SLC25A21: variants seen among roughly 807,000 people sequenced by gnomAD.
SLC25A21 encodes the protein mitochondrial 2-oxodicarboxylate carrier.
A neutral mutation model predicts 43.8 loss-of-function variants in SLC25A21; 47 were observed. The observed-to-expected ratio is 1.07, with a 90% CI of 0.85 to 1.37. The LOEUF (loss-of-function observed/expected upper bound fraction) is 1.37, where lower values mean the gene tolerates loss of function less well. SLC25A21 is among the 40% of genes most tolerant of loss of function. The pLI, the probability that SLC25A21 is intolerant of heterozygous loss-of-function variation, is 0.00. For missense variants in SLC25A21, 352 were observed against 350.2 expected (o/e 1.00, Z -0.04); for synonymous variants, 131 against 121.3 (o/e 1.08, Z -0.52).
At chr14:37,082,731 C>G (rs6571782) in intron 1 of SLC25A21, among the ~76,000 whole-genome samples, 139,933 of 152,228 alleles carry the variant, frequency 0.92, 64,426 homozygotes, top group East Asian at 1. Context: ...GGACAAAAGA[C>G]AAATCATTCA....
chr14:36,991,949 T>A (rs1960272596), intron 1 of SLC25A21, among the ~76,000 whole-genome samples: 1 of 152,152 alleles, frequency 6.6e-6, no homozygotes, highest in Admixed American at 6.5e-5. Context: ...AAGATCCTTA[T>A]GAGATTGGGT....
At chr14:36,833,916 G>T (rs1024088414) in intron 2 of SLC25A21, among the ~76,000 whole-genome samples, 1 of 152,100 alleles carries the variant, frequency 6.6e-6, no homozygotes, top group Non-Finnish European at 1.5e-5. Context: ...TGCATGGGCT[G>T]GATTAAAACA....
intron 1 of SLC25A21, among the ~76,000 whole-genome samples, chr14:37,033,499 G>A (rs1276358386): frequency 6.6e-6 from 1 of 152,152 alleles, no homozygotes; most frequent in Non-Finnish European, 1.5e-5. Context: ...TGCAGTAACT[G>A]GAACAAAGTC....
At chr14:36,800,031 G>T (rs1398669876) in intron 3 of SLC25A21, among the ~76,000 whole-genome samples, 3 of 151,962 alleles carry the variant, frequency 2.0e-5, no homozygotes, top group Non-Finnish European at 4.4e-5. Flanking sequence ...TATTACTTTT[G>T]CACCAATTTG....
At chr14:36,972,707 G>A (rs796183501) in intron 1 of SLC25A21, among the ~76,000 whole-genome samples, 2 of 152,268 alleles carry the variant, frequency 1.3e-5, no homozygotes, top group African/African-American at 2.4e-5. Flanking sequence ...AGACCATAAA[G>A]GCAAAGCAAG....
intron 2 of SLC25A21, among the ~76,000 whole-genome samples, chr14:36,843,747 C>T (rs1386958552): frequency 6.6e-6 from 1 of 152,308 alleles, no homozygotes; most frequent in South Asian, 2.1e-4. Flanking sequence ...ATTTCATTCA[C>T]AAAATTAGCA....
At chr14:36,960,531 C>T (rs1959463220) in intron 1 of SLC25A21, among the ~76,000 whole-genome samples, 1 of 151,996 alleles carries the variant, frequency 6.6e-6, no homozygotes, top group Non-Finnish European at 1.5e-5. Flanking sequence ...TATAAATGTC[C>T]TATCTTATAA....
At position 36,773,276 on chromosome 14, in the gene SLC25A21, C is replaced by T. The variant is rs561366400; in HGVS notation, c.204-38703G>A. On this transcript the variant is annotated intron_variant, in intron 3 of 9. Transcript: ENST00000331299. ...TCAGCTGTGAGTGATGAGTCAGACCCGTCAGACTCTGCTGTGATAAGGGCC... is the reference window on the plus strand; with the variant it reads ...TCAGCTGTGAGTGATGAGTCAGACCTGTCAGACTCTGCTGTGATAAGGGCC... Among the ~76,000 whole-genome samples, 4 of 152,176 alleles carry T rather than the reference C, an allele frequency of 2.6e-5. No individual in the cohort carries two copies. In the South Asian group the frequency reaches 6.2e-4, roughly 24 times the overall value.
chr14:36,963,833 C>T (rs1959553210), intron 1 of SLC25A21, among the ~76,000 whole-genome samples: 1 of 152,144 alleles, frequency 6.6e-6, no homozygotes, highest in African/African-American at 2.4e-5. Flanking sequence ...AAGGAAGTTG[C>T]TAACTGAAGT....
intron 1 of SLC25A21, among the ~76,000 whole-genome samples, chr14:37,162,979 A>G (rs1963971874): frequency 1.3e-5 from 2 of 152,188 alleles, no homozygotes; most frequent in South Asian, 4.1e-4. Context: ...TGATAAGTTC[A>G]TGTCCTTTGT....
intron 1 of SLC25A21, among the ~76,000 whole-genome samples, chr14:37,011,873 G>C (rs1290382453): frequency 6.6e-6 from 1 of 152,058 alleles, no homozygotes; most frequent in African/African-American, 2.4e-5. Flanking sequence ...TCTCTCTGTG[G>C]AGACATCCCT....
chr14:36,694,768 T>C (rs1882944928), intron 7 of SLC25A21, among the ~76,000 whole-genome samples: 1 of 152,218 alleles, frequency 6.6e-6, no homozygotes, highest in Non-Finnish European at 1.5e-5. Context: ...TGTTTTTTTC[T>C]TGTAAATTTG....
At chr14:36,724,070 G>A (rs1884484478) in intron 6 of SLC25A21, among the ~76,000 whole-genome samples, 2 of 152,092 alleles carry the variant, frequency 1.3e-5, no homozygotes, top group Admixed American at 1.3e-4. Context: ...TTTGAAAAAT[G>A]TTTCTTTTCC....
Position 36,850,052 on chromosome 14 carries a change from T to C in SLC25A21, c.119+24904A>G, listed in dbSNP as rs375999138. Among the ~76,000 whole-genome samples, 260 of 152,208 alleles carry C rather than the reference T, an allele frequency of 1.7e-3. 1 individual carries two copies. Among genetic ancestry groups the C allele is most frequent in the African/African-American group, 5.8e-3 (241 of 41,530 alleles). On this transcript the variant is annotated intron_variant, in intron 2 of 9. Transcript: ENST00000331299. Reference sequence around the variant, plus strand: ...TGAACAGGTAATTGGCAATACTTTGTGTGTGAAGTGCTGTGATAAGAGAAA... The same window carrying C: ...TGAACAGGTAATTGGCAATACTTTGCGTGTGAAGTGCTGTGATAAGAGAAA...
chr14:36,922,016 A>T (rs1214202947), intron 1 of SLC25A21, among the ~76,000 whole-genome samples: 1 of 151,954 alleles, frequency 6.6e-6, no homozygotes, highest in Non-Finnish European at 1.5e-5. Flanking sequence ...ATGGTGGCAC[A>T]TGCCTGTAAT....
intron 3 of SLC25A21, among the ~76,000 whole-genome samples, chr14:36,748,112 A>G (rs564697332): frequency 1.3e-5 from 2 of 152,360 alleles, no homozygotes; most frequent in East Asian, 1.9e-4. Context: ...AGTTAGGACA[A>G]TAACAAAGGT....
chr14:36,686,764 C>T (rs1882568869), intron 7 of SLC25A21, among the ~76,000 whole-genome samples: 1 of 152,080 alleles, frequency 6.6e-6, no homozygotes, highest in South Asian at 2.1e-4. Context: ...TTTGTATACA[C>T]GTTGTCCTTC....
chr14:36,839,718 T>C (rs1032699395), intron 2 of SLC25A21, among the ~76,000 whole-genome samples: 2 of 152,210 alleles, frequency 1.3e-5, no homozygotes, highest in Non-Finnish European at 1.5e-5. Flanking sequence ...AATTTCTTCA[T>C]TGCACACACA....
intron 1 of SLC25A21, among the ~76,000 whole-genome samples, chr14:36,881,668 T>C (rs768679778): frequency 6.6e-6 from 1 of 152,190 alleles, no homozygotes; most frequent in Admixed American, 6.6e-5. Context: ...GACTGATTGA[T>C]TGTGGAACAT....
Sources: allele counts gnomAD v4.1 joint callset (sites outside exome capture counted in the v4.1 genomes callset), GRCh38; gene constraint gnomAD v4.1.1; transcripts MANE v1.5; gene names NCBI Gene and HGNC (gene_info 2026-07-23, HGNC 2026-07-21).